Variants in MCOLN2 observed in about 807,000 individuals in gnomAD.
MCOLN2 encodes the protein mucolipin TRP cation channel 2.
MCOLN2 carries 57 observed loss-of-function variants against 67.5 expected under a neutral mutation model. The observed-to-expected ratio is 0.84, with a 90% CI of 0.68 to 1.05. The LOEUF is 1.05. MCOLN2 is among the 50% of genes least tolerant of loss of function. The pLI is 0.00. For missense variants in MCOLN2, 620 were observed against 678.8 expected (o/e 0.91, Z 0.96); for synonymous variants, 246 against 233.3 (o/e 1.05, Z -0.50).
At chr1:84,938,546 A>T (rs1647568015) in intron 9 of MCOLN2, among the ~76,000 whole-genome samples, 1 of 152,240 alleles carries the variant, frequency 6.6e-6, no homozygotes. Context: ...ACAAACACAC[A>T]AACATGATTC....
intron 1 of MCOLN2, among the ~76,000 whole-genome samples, chr1:84,980,016 T>C (rs886877910): frequency 6.6e-6 from 1 of 152,174 alleles, no homozygotes; most frequent in Admixed American, 6.5e-5. Context: ...ATCAGTAGCA[T>C]TTCTATGTGC....
chr1:84,970,529 A>AAT (rs1649622877), intron 1 of MCOLN2, among the ~76,000 whole-genome samples: 1 of 151,736 alleles, frequency 6.6e-6, no homozygotes, highest in African/African-American at 2.4e-5. Flanking sequence ...AAAAAAAAAA[A>AAT]AATAACAGGC....
chr1:84,978,791 T>C (rs1389544359), intron 1 of MCOLN2, among the ~76,000 whole-genome samples: 1 of 152,134 alleles, frequency 6.6e-6, no homozygotes, highest in Non-Finnish European at 1.5e-5. Flanking sequence ...GGAATGTATA[T>C]GTGTATAAAT....
At chr1:84,928,749 T>C (rs1661272995) in intron 13 of MCOLN2, among the ~76,000 whole-genome samples, 1 of 152,218 alleles carries the variant, frequency 6.6e-6, no homozygotes, top group African/African-American at 2.4e-5. Flanking sequence ...ATTCTCTGGA[T>C]CTGCTCAGTC....
intron 1 of MCOLN2, among the ~76,000 whole-genome samples, chr1:84,970,137 T>C (rs1424802754): frequency 6.6e-6 from 1 of 152,230 alleles, no homozygotes; most frequent in Non-Finnish European, 1.5e-5. Flanking sequence ...GGATCAGTGT[T>C]GCTAAAGCAT....
At chr1:84,965,834 G>C in intron 1 of MCOLN2, 126 bp from the exon 2 acceptor site, 510 of 646,614 alleles carry the variant, frequency 7.9e-4, no homozygotes, top group East Asian at 1.0e-3. Context: ...GCCTCTTTAT[G>C]AACACAAAAT....
chr1:84,929,746 AC>A, intron 12 of MCOLN2, 67 bp from the exon 13 acceptor site: 1 of 1,506,070 alleles, frequency 6.6e-7, no homozygotes, highest in Non-Finnish European at 9.1e-7. Context: ...TTGTCAACAA[AC>A]CAAGCCCACC....
intron 11 of MCOLN2, among the ~76,000 whole-genome samples, chr1:84,933,299 G>A (rs1647265630): frequency 6.6e-6 from 1 of 152,068 alleles, no homozygotes. Context: ...CAAACACCGT[G>A]CCTTACACTA....
At chr1:84,971,541 C>T (rs1033772765) in intron 1 of MCOLN2, among the ~76,000 whole-genome samples, 1 of 143,650 alleles carries the variant, frequency 7.0e-6, no homozygotes, top group African/African-American at 2.6e-5. Flanking sequence ...CACACACACA[C>T]ACACGATATC....
intron 1 of MCOLN2, among the ~76,000 whole-genome samples, chr1:84,966,456 C>A (rs1051762200): frequency 6.6e-6 from 1 of 151,934 alleles, no homozygotes; most frequent in African/African-American, 2.4e-5. Context: ...GAACAAAAAC[C>A]AGACAGGACA....
chr1:84,955,404 A>C (rs1648732273), intron 4 of MCOLN2, among the ~76,000 whole-genome samples: 1 of 152,196 alleles, frequency 6.6e-6, no homozygotes, highest in Non-Finnish European at 1.5e-5. Context: ...GAAAGGAAAA[A>C]GAACCAGCTA....
In MCOLN2 at chr1:84,952,329, C is replaced by T. The variant is rs1286333483; in HGVS notation, c.661G>A (p.Val221Ile). 2 of 1,611,604 alleles carry T rather than the reference C, an allele frequency of 1.2e-6. No individual in the cohort carries two copies. The highest frequency in any genetic ancestry group is 1.3e-5 in the African/African-American group (1 of 74,838). ...CCTTTAAGATGAAAGGAGATTTCAA[C>T]CTGTAAGAGCCTGAATAAAATATAT... The part of the protein sequence containing the change: ...FRLEFYRLLQ[V>I]EISFHLKGID... The change falls in exon 6 of 14, where the codon GTT becomes ATT. Residue 221 changes from valine (V) to isoleucine (I), a missense_variant. By Grantham distance (29) the Val-to-Ile change is conservative (BLOSUM62 3). Transcript: ENST00000370608.
intron 1 of MCOLN2, among the ~76,000 whole-genome samples, chr1:84,996,428 A>ATATATATG (rs1344382370): frequency 1.7e-5 from 2 of 119,592 alleles, no homozygotes; most frequent in African/African-American, 6.4e-5. Context: ...ATATATATAT[A>ATATATATG]TATGTTTGGA....
intron 12 of MCOLN2, among the ~76,000 whole-genome samples, chr1:84,930,754 C>T (rs1187664979): frequency 1.3e-5 from 2 of 152,138 alleles, no homozygotes; most frequent in Non-Finnish European, 2.9e-5. Context: ...GTCACTGACC[C>T]TGAAGCAGGG....
intron 1 of MCOLN2, among the ~76,000 whole-genome samples, chr1:84,977,316 C>T (rs949392956): frequency 6.6e-6 from 1 of 151,132 alleles, no homozygotes; most frequent in Non-Finnish European, 1.5e-5. Flanking sequence ...TAAAGGAAGA[C>T]AAGAAAGAAG....
chr1:84,939,416 G>A, intron 9 of MCOLN2, 137 bp downstream of exon 9: 1 of 825,848 alleles, frequency 1.2e-6, no homozygotes, highest in Admixed American at 2.5e-5. Context: ...CAAGCCAGGG[G>A]AGGCCTCACT....
intron 10 of MCOLN2, 30 bp downstream of exon 10, chr1:84,937,951 C>T (rs773025344): frequency 3.1e-6 from 5 of 1,611,912 alleles, no homozygotes; most frequent in Non-Finnish European, 4.2e-6. Flanking sequence ...GTCTCAACTG[C>T]AGTGGCACTA....
At chr1:84,987,631 T>TATATGTATATAGAAAGATATACATAC (rs1650674064) in intron 1 of MCOLN2, among the ~76,000 whole-genome samples, 1 of 112,180 alleles carries the variant, frequency 8.9e-6, no homozygotes, top group Non-Finnish European at 1.9e-5. Flanking sequence ...TACATATGTA[T>TATATGTATATAGAAAGATATACATAC]ATATGTATAT....
chr1:84,931,641 TTTG>T, intron 11 of MCOLN2, 73 bp from the exon 12 acceptor site: 1 of 1,251,270 alleles, frequency 8.0e-7, no homozygotes, highest in Non-Finnish European at 1.2e-6. Flanking sequence ...GTTAGCTTGT[TTTG>T]TTAACATTGT....
Sources: allele counts gnomAD v4.1 joint callset (sites outside exome capture counted in the v4.1 genomes callset), GRCh38; gene constraint gnomAD v4.1.1; transcripts MANE v1.5; gene names NCBI Gene and HGNC (gene_info 2026-07-23, HGNC 2026-07-21).